MAGI1: variants seen among roughly 807,000 people sequenced by gnomAD.
MAGI1 encodes the protein membrane-associated guanylate kinase, WW and PDZ domain-containing protein 1.
In MAGI1, 58 loss-of-function variants were observed where a neutral mutation model predicts 139.9. The observed-to-expected ratio is 0.41, with a 90% CI of 0.34 to 0.52. MAGI1 has a LOEUF of 0.52. Among genes scored for constraint, MAGI1 ranks in the 20% least tolerant of loss-of-function variants. The probability of loss-of-function intolerance (pLI) is 0.12; values close to 1 mark genes in which losing one functional copy is unlikely to be tolerated. For synonymous variants in MAGI1, 812 were observed against 737.9 expected, an observed-to-expected ratio of 1.10 and a Z score of -1.63; for missense variants, 1,874 against 1,901.6, an observed-to-expected ratio of 0.99 and a Z score of 0.27.
chr3:65,854,666 G>A (rs898997516), intron 1 of MAGI1, among the ~76,000 whole-genome samples: 9 of 152,224 alleles, frequency 5.9e-5, no homozygotes, highest in African/African-American at 9.6e-5. Flanking sequence ...AATGTCCCAC[G>A]AGAGGGTTCT....
intron 1 of MAGI1, among the ~76,000 whole-genome samples, chr3:65,758,928 A>G (rs1452206137): frequency 2.0e-5 from 3 of 152,050 alleles, no homozygotes; most frequent in Non-Finnish European, 4.4e-5. Flanking sequence ...AAAATAAGAT[A>G]CTCAAGGAAC....
intron 1 of MAGI1, among the ~76,000 whole-genome samples, chr3:65,715,938 G>C (rs1405489076): frequency 3.3e-5 from 5 of 152,164 alleles, no homozygotes; most frequent in South Asian, 2.1e-4. Context: ...ATGTTCCTTG[G>C]AGCAACAGAG....
Position 65,356,749 on chromosome 3 carries a change from T to A in MAGI1, c.4018A>T (p.Arg1340Trp), listed in dbSNP as rs747390339. Residue 1340 changes from arginine to tryptophan, a missense_variant, in exon 23 of 23, where the codon AGG (arginine) becomes TGG (tryptophan). By Grantham distance (101) the Arg-to-Trp change is moderately radical. Transcript: ENST00000402939. ...TCTCGTCTCTTCTCGTGCTTCTCCC[T>A]CCTCTCCAAAGTGTTGTCGGCGCTG... Reference protein sequence around the residue: ...TRSADNTLERREKHEKRRDVS... With the variant: ...TRSADNTLERWEKHEKRRDVS... 1.2e-6 allele frequency: 2 copies of A among 1,600,060 alleles called. No homozygotes were observed. Among genetic ancestry groups the A allele is most frequent in the Non-Finnish European group, 1.7e-6 (2 of 1,173,610 alleles).
intron 3 of MAGI1, among the ~76,000 whole-genome samples, chr3:65,489,068 T>C (rs750238746): frequency 6.6e-5 from 10 of 152,170 alleles, no homozygotes; most frequent in Non-Finnish European, 8.8e-5. Context: ...AGCTCTATCT[T>C]TGATTTACCA....
chr3:65,540,484 G>A (rs1415690885), intron 2 of MAGI1, among the ~76,000 whole-genome samples: 2 of 152,098 alleles, frequency 1.3e-5, no homozygotes, highest in East Asian at 3.9e-4. Context: ...AATACCTGCA[G>A]GATGGTAGAA....
At chr3:65,884,909 G>A (rs1358116036) in intron 1 of MAGI1, among the ~76,000 whole-genome samples, 1 of 152,102 alleles carries the variant, frequency 6.6e-6, no homozygotes, top group African/African-American at 2.4e-5. Flanking sequence ...AAAACCTAAA[G>A]ATCTAAAACC....
intron 15 of MAGI1, among the ~76,000 whole-genome samples, chr3:65,382,618 A>C (rs970644355): frequency 5.9e-5 from 9 of 152,110 alleles, no homozygotes; most frequent in Admixed American, 5.2e-4. Context: ...ACCTTAGCTA[A>C]AATATTTGTG....
intron 2 of MAGI1, among the ~76,000 whole-genome samples, chr3:65,555,834 G>A (rs563563200): frequency 1.5e-4 from 23 of 152,272 alleles, no homozygotes; most frequent in African/African-American, 5.3e-4. Flanking sequence ...ACCAGCCTGA[G>A]AGAGCAAGAC....
chr3:65,571,311 C>A (rs188482695), intron 2 of MAGI1, among the ~76,000 whole-genome samples: 2 of 151,908 alleles, frequency 1.3e-5, no homozygotes, highest in Non-Finnish European at 2.9e-5. Context: ...ACAAATTTTT[C>A]CTCAAATTTT....
intron 1 of MAGI1, among the ~76,000 whole-genome samples, chr3:65,947,870 G>C (rs2106908666): frequency 6.6e-6 from 1 of 151,354 alleles, no homozygotes; most frequent in East Asian, 1.9e-4. Context: ...TCCTGCCTCA[G>C]CCTCCCAAAG....
At chr3:65,564,461 A>G (rs974999535) in intron 2 of MAGI1, among the ~76,000 whole-genome samples, 2 of 152,234 alleles carry the variant, frequency 1.3e-5, no homozygotes, top group African/African-American at 4.8e-5. Context: ...AGATGGCATA[A>G]GAATGAATGA....
intron 1 of MAGI1, among the ~76,000 whole-genome samples, chr3:65,963,157 A>G (rs556305886): frequency 0.019 from 797 of 41,684 alleles, 10 homozygotes; most frequent in African/African-American, 0.081. Flanking sequence ...ACAGTGGGGA[A>G]AAAAAAAAAA....
At chr3:65,383,679 C>A (rs1943232249) in intron 14 of MAGI1, 56 bp from the exon 15 acceptor site, 6 of 1,034,232 alleles carry the variant, frequency 5.8e-6, no homozygotes, top group Non-Finnish European at 7.7e-6. Flanking sequence ...AGCAATGATA[C>A]CCCCAAGATG....
chr3:66,037,690 ACT>A (rs900048433), intron 1 of MAGI1, among the ~76,000 whole-genome samples: 3 of 151,926 alleles, frequency 2.0e-5, no homozygotes, highest in Non-Finnish European at 2.9e-5. Flanking sequence ...CAGTTCCCCA[ACT>A]CTCTCTCGGG....
Position 65,364,937 on chromosome 3 carries a change from T to C in MAGI1, c.3206A>G (p.Asn1069Ser). Reference protein sequence around the residue: ...LRIIPGDESSNATLLTNAEKI... With the variant: ...LRIIPGDESSSATLLTNAEKI... ...CTCTGCATTGGTCAGCAAGGTGGCA[T>C]TCGAGGACTCTGCAAAGAGGGACAG... is the stretch of plus-strand genomic sequence containing the variant. The change falls in exon 19 of 23, where the codon AAT becomes AGT. Residue 1069 changes from asparagine to serine, a missense_variant. Transcript: ENST00000402939. 6.2e-7 allele frequency: 1 copy of C among 1,613,822 alleles called. No homozygotes were observed. Among genetic ancestry groups the C allele is most frequent in the Non-Finnish European group, 8.5e-7 (1 of 1,179,848 alleles).
rs1380546913 is a variant in MAGI1 at position 65,829,040 on chromosome 3, A to G, written c.314-206952T>C. 1.2e-4 allele frequency among the ~76,000 whole-genome samples: 18 copies of G among 152,118 alleles called. 1 individual carries two copies. The highest frequency in any genetic ancestry group is 1.2e-3 in the Admixed American group (18 of 15,276). Reference sequence around the variant, plus strand: ...CCAACAACCCAAAAAACCAAGGAAAACGATCTTTACCCCAGAACTTTTAAA... The same window carrying G: ...CCAACAACCCAAAAAACCAAGGAAAGCGATCTTTACCCCAGAACTTTTAAA... On this transcript the variant is annotated intron_variant, in intron 1 of 22. Transcript: ENST00000402939.
intron 1 of MAGI1, among the ~76,000 whole-genome samples, chr3:65,731,648 C>T (rs111745777): frequency 0.083 from 11,744 of 141,944 alleles, 598 homozygotes; most frequent in Non-Finnish European, 0.11. Context: ...GAGTGAGACT[C>T]TGTCTCAAAA....
At position 66,027,860 on chromosome 3, in the gene MAGI1, C is replaced by T. The variant is rs762631124; in HGVS notation, c.313+10136G>A. Among the ~76,000 whole-genome samples, 53 of 152,154 alleles carry T rather than the reference C, an allele frequency of 3.5e-4. 2 individuals carry two copies. The highest frequency in any genetic ancestry group is 4.1e-4 in the South Asian group (2 of 4,832). On this transcript the variant is annotated intron_variant, in intron 1 of 22. Transcript: ENST00000402939. ...TTCAGCAGGGTCCCGGGCCTCTACT[C>T]TCTAGATGCCAGAAGCAACCCTCTC...
chr3:65,631,596 G>A (rs979270157), intron 1 of MAGI1, among the ~76,000 whole-genome samples: 8 of 152,094 alleles, frequency 5.3e-5, no homozygotes, highest in Non-Finnish European at 1.2e-4. Context: ...CACAAAAAAT[G>A]TTTAAGGCCC....
Sources: gnomAD v4.1 joint callset for allele counts (sites outside exome capture counted in the v4.1 genomes callset) on GRCh38, gnomAD v4.1.1 for gene constraint, MANE v1.5 for transcripts, NCBI Gene and HGNC (gene_info 2026-07-23, HGNC 2026-07-21) for gene names.